ASAP1: variants seen among roughly 807,000 people sequenced by gnomAD.
ASAP1 encodes the protein ArfGAP with SH3 domain, ankyrin repeat and PH domain 1, also known as arf-GAP with SH3 domain, ANK repeat and PH domain-containing protein 1.
ASAP1 carries 43 observed loss-of-function variants against 145.2 expected under a neutral mutation model. The observed-to-expected ratio is 0.30, with a 90% CI of 0.23 to 0.38. The LOEUF (loss-of-function observed/expected upper bound fraction) is 0.38. ASAP1 is among the 10% of genes least tolerant of loss of function. The pLI, the probability that ASAP1 is intolerant of heterozygous loss-of-function variation, is 1.00. For missense variants in ASAP1, 1,018 were observed against 1,355.3 expected (o/e 0.75, Z 3.91); for synonymous variants, 546 against 515.5 (o/e 1.06, Z -0.80).
Position 130,052,705 on chromosome 8 carries a change from A to G in ASAP1, c.*2026T>C, listed in dbSNP as rs2097395352. On this transcript the variant is annotated 3_prime_UTR_variant, in exon 30 of 30. Transcript: ENST00000518721. ...ACACTAACTCCATGTAATTTTAGAC[A>G]TGCAGCTTTTGTGTTTTTTTTTTGT... is the stretch of plus-strand genomic sequence containing the variant. 1 of 151,364 alleles carries G rather than the reference A, an allele frequency of 6.6e-6. No homozygotes were observed. The highest frequency in any genetic ancestry group is 1.5e-5 in the Non-Finnish European group (1 of 67,816). The allele number at this position is 151,364 out of a possible 1,614,324, so 9.4% of individuals were successfully genotyped here.
intron 12 of ASAP1, among the ~76,000 whole-genome samples, chr8:130,159,102 G>T (rs886768442): frequency 6.6e-6 from 1 of 152,130 alleles, no homozygotes; most frequent in South Asian, 2.1e-4. Flanking sequence ...AAGAATGAGC[G>T]ATACAAAGAG....
At chr8:130,121,634 A>T (rs1293063609) in intron 18 of ASAP1, among the ~76,000 whole-genome samples, 8 of 152,060 alleles carry the variant, frequency 5.3e-5, no homozygotes, top group Admixed American at 3.9e-4. Context: ...AATACAAAAA[A>T]CTAGTCGGGC....
intron 3 of ASAP1, among the ~76,000 whole-genome samples, chr8:130,343,030 T>C (rs1825484006): frequency 6.6e-6 from 1 of 152,196 alleles, no homozygotes. Context: ...AGAAATGTCC[T>C]GTGACTTAGT....
chr8:130,318,229 A>T (rs1210386690), intron 3 of ASAP1, among the ~76,000 whole-genome samples: 1 of 152,172 alleles, frequency 6.6e-6, no homozygotes, highest in Non-Finnish European at 1.5e-5. Flanking sequence ...TTACAGGCAC[A>T]TACCACCATA....
chr8:130,297,068 G>A (rs1822326031), intron 3 of ASAP1, among the ~76,000 whole-genome samples: 1 of 152,116 alleles, frequency 6.6e-6, no homozygotes, highest in Admixed American at 6.5e-5. Context: ...AGCTGTGTGG[G>A]GGGTTAAATC....
At chr8:130,395,841 T>C (rs192056647) in intron 2 of ASAP1, among the ~76,000 whole-genome samples, 1 of 152,244 alleles carries the variant, frequency 6.6e-6, no homozygotes, top group East Asian at 1.9e-4. Flanking sequence ...TAATTTTGTA[T>C]TTTTAGTAGA....
chr8:130,118,346 C>A, intron 19 of ASAP1, 100 bp from the exon 20 acceptor site: 4 of 1,343,756 alleles, frequency 3.0e-6, no homozygotes, highest in Non-Finnish European at 4.1e-6. Flanking sequence ...AGGAGCACAC[C>A]TCTTCACTCT....
At position 130,159,847 on chromosome 8, in the gene ASAP1, G is replaced by A; in HGVS notation, c.1010+17C>T. On this transcript the variant is annotated intron_variant, in intron 12 of 29. Coordinates refer to ENST00000518721, the MANE Select transcript of ASAP1 (RefSeq NM_018482.4). ...GGTTAATCACACACTGAGACACTGG[G>A]CTGGGCTCATACATACCCGTCACTT... The A allele has an allele frequency of 6.3e-7, 1 of 1,585,660 alleles. No homozygotes were observed. Among genetic ancestry groups the A allele is most frequent in the Non-Finnish European group, 8.7e-7 (1 of 1,154,154 alleles).
intron 27 of ASAP1, among the ~76,000 whole-genome samples, chr8:130,072,825 G>GTGTGTGCGCGCGCGCGCGCA: frequency 3.7e-5 from 2 of 54,092 alleles, no homozygotes; most frequent in Admixed American, 1.7e-4. Flanking sequence ...GTGTGTGTGT[G>GTGTGTGCGCGCGCGCGCGCA]CGCGCGGGGG....
intron 12 of ASAP1, among the ~76,000 whole-genome samples, chr8:130,158,565 T>C (rs2097662596): frequency 1.3e-5 from 2 of 152,082 alleles, no homozygotes; most frequent in African/African-American, 4.8e-5. Flanking sequence ...ATTCTACTTA[T>C]GCACTTACTG....
chr8:130,325,972 T>C (rs11785125), intron 3 of ASAP1, among the ~76,000 whole-genome samples: 5,312 of 152,326 alleles, frequency 0.035, 126 homozygotes, highest in Middle Eastern at 0.068. Flanking sequence ...TTTTAAGTAC[T>C]ATCATTATCC....
At chr8:130,163,677 A>G (rs951309597) in intron 11 of ASAP1, among the ~76,000 whole-genome samples, 1 of 152,188 alleles carries the variant, frequency 6.6e-6, no homozygotes, top group African/African-American at 2.4e-5. Context: ...GAAAGTAGAT[A>G]CTGGACATTT....
At chr8:130,314,106 A>G (rs1242863481) in intron 3 of ASAP1, among the ~76,000 whole-genome samples, 2 of 152,176 alleles carry the variant, frequency 1.3e-5, no homozygotes, top group East Asian at 1.9e-4. Context: ...TGGTCAGAAA[A>G]GGCCATTTTT....
At chr8:130,286,184 T>TA (rs1434734953) in intron 3 of ASAP1, among the ~76,000 whole-genome samples, 1 of 152,162 alleles carries the variant, frequency 6.6e-6, no homozygotes, top group African/African-American at 2.4e-5. Context: ...AATGGCAGAG[T>TA]AGGTTTTAGA....
chr8:130,392,653 A>G (rs1188542394), intron 2 of ASAP1, among the ~76,000 whole-genome samples: 1 of 152,202 alleles, frequency 6.6e-6, no homozygotes, highest in Admixed American at 6.5e-5. Context: ...GGTAATTAAT[A>G]AAGAAAAGAG....
chr8:130,288,429 T>C (rs1821751690), intron 3 of ASAP1, among the ~76,000 whole-genome samples: 1 of 152,064 alleles, frequency 6.6e-6, no homozygotes, highest in South Asian at 2.1e-4. Flanking sequence ...TCCCTGCAAA[T>C]GCTTATCAGG....
chr8:130,412,273 G>A (rs1409389123), intron 1 of ASAP1, among the ~76,000 whole-genome samples: 1 of 152,186 alleles, frequency 6.6e-6, no homozygotes, highest in Non-Finnish European at 1.5e-5. Context: ...GGCCTGGTGG[G>A]AGGTAACTGG....
At chr8:130,073,544 C>T (rs966496881) in intron 27 of ASAP1, among the ~76,000 whole-genome samples, 16 of 151,974 alleles carry the variant, frequency 1.1e-4, no homozygotes, top group African/African-American at 3.4e-4. Context: ...GTGGAGGAGA[C>T]GAGAAAGCAG....
At chr8:130,237,845 T>C (rs1367075796) in intron 3 of ASAP1, among the ~76,000 whole-genome samples, 1 of 152,134 alleles carries the variant, frequency 6.6e-6, no homozygotes, top group Non-Finnish European at 1.5e-5. Context: ...GACTAACTTG[T>C]TAAAACAATT....
Sources: allele counts gnomAD v4.1 joint callset (sites outside exome capture counted in the v4.1 genomes callset), GRCh38; gene constraint gnomAD v4.1.1; transcripts MANE v1.5; gene names NCBI Gene and HGNC (gene_info 2026-07-23, HGNC 2026-07-21).